Variants in VPS37A observed in about 807,000 individuals in gnomAD.
VPS37A encodes VPS37A subunit of ESCRT-I.
A neutral mutation model predicts 49.8 loss-of-function variants in VPS37A; 30 were observed. That is an observed-to-expected ratio of 0.60 (90% CI 0.45 to 0.82). VPS37A has a LOEUF of 0.82. VPS37A is among the 40% of genes least tolerant of loss of function. The pLI is 0.00. For synonymous variants in VPS37A, 195 were observed against 160.6 expected (o/e 1.21, Z -1.62); for missense variants, 593 against 464.4 (o/e 1.28, Z -2.55).
At chr8:17,298,843 G>GCAGT (rs1563307100), downstream of VPS37A, 1 of 152,276 alleles carries the variant, frequency 6.6e-6, no homozygotes, top group Non-Finnish European at 1.5e-5. Context: ...AGAACTTTCA[G>GCAGT]CAGTCAGTGG....
rs529736602 is a variant in VPS37A at position 17,256,290 on chromosome 8, A to ATTTTTTTT, written c.125+8942_125+8949dup. On this transcript the variant is annotated intron_variant, in intron 1 of 11. Transcript: ENST00000324849. ...AAGTCTTTTTAGCTGGGGTAAAATGATTTTTTTTTTTTTTTTTTTTTTTTT... is the reference window on the plus strand; with the variant it reads ...AAGTCTTTTTAGCTGGGGTAAAATGATTTTTTTTTTTTTTTTTTTTTTTTTTTTTTTTT... Among the ~76,000 whole-genome samples the ATTTTTTTT allele has an allele frequency of 1.7e-4, 10 of 60,404 alleles. 2 individuals are homozygous for ATTTTTTTT. Among genetic ancestry groups the ATTTTTTTT allele is most frequent in the African/African-American group, 7.3e-4 (10 of 13,740 alleles). The allele number at this position is 60,404 out of a possible 152,430, so 39.6% of individuals were successfully genotyped here.
At chr8:17,277,861 T>TACACACACACAC (rs67718316) in intron 6 of VPS37A, among the ~76,000 whole-genome samples, 26 of 140,990 alleles carry the variant, frequency 1.8e-4, no homozygotes, top group African/African-American at 6.3e-4. Context: ...TTCTCTTTTA[T>TACACACACACAC]ACACACACAC....
chr8:17,286,829 C>G (rs1358964455), intron 11 of VPS37A, among the ~76,000 whole-genome samples: 1 of 152,148 alleles, frequency 6.6e-6, no homozygotes, highest in Non-Finnish European at 1.5e-5. Flanking sequence ...CACGATTACT[C>G]TAATAATTCA....
chr8:17,287,175 T>C (rs1434424270), intron 11 of VPS37A, among the ~76,000 whole-genome samples: 1 of 152,146 alleles, frequency 6.6e-6, no homozygotes, highest in Non-Finnish European at 1.5e-5. Flanking sequence ...AATGATTTGT[T>C]TGCAAGAATA....
chr8:17,310,146 C>T, the VPS37A span, among the ~76,000 whole-genome samples: 2 of 151,988 alleles, frequency 1.3e-5, no homozygotes, highest in African/African-American at 4.8e-5. Context: ...CACAGGTGGG[C>T]TCCACCACAC....
chr8:17,321,342 G>A, the VPS37A span, among the ~76,000 whole-genome samples: 21 of 152,320 alleles, frequency 1.4e-4, no homozygotes, highest in Admixed American at 9.1e-4. Flanking sequence ...TCAGCAATGG[G>A]ACAGGCTGCT....
chr8:17,265,638 C>T (rs1021484644), intron 1 of VPS37A: 9 of 644,786 alleles, frequency 1.4e-5, no homozygotes, highest in Admixed American at 2.6e-5. Flanking sequence ...GATAGTAAAA[C>T]AGTGTAGCAT....
the VPS37A span, among the ~76,000 whole-genome samples, chr8:17,310,716 C>G: frequency 2.0e-5 from 3 of 152,112 alleles, no homozygotes; most frequent in Non-Finnish European, 4.4e-5. Flanking sequence ...CGCTCTTGTC[C>G]GAGGGTGTTG....
intron 11 of VPS37A, among the ~76,000 whole-genome samples, chr8:17,292,316 C>T (rs1169454994): frequency 6.6e-6 from 1 of 152,088 alleles, no homozygotes; most frequent in Non-Finnish European, 1.5e-5. Context: ...TTTCCATTGG[C>T]TTGGTAAATC....
At chr8:17,302,657 T>C (rs1447933508), downstream of VPS37A, among the ~76,000 whole-genome samples, 3 of 150,358 alleles carry the variant, frequency 2.0e-5, no homozygotes, top group Non-Finnish European at 4.4e-5. Flanking sequence ...GCAGCTTTTA[T>C]CTTTTGTATC....
At chr8:17,286,472 G>A in intron 11 of VPS37A, 45 bp downstream of exon 11, 1 of 1,553,696 alleles carries the variant, frequency 6.4e-7, no homozygotes, top group Non-Finnish European at 8.8e-7. Context: ...TTGCATCAGT[G>A]TTCTTTAAAT....
At chr8:17,280,608 A>G (rs772176385) in intron 9 of VPS37A, among the ~76,000 whole-genome samples, 165 bp downstream of exon 9, 18 of 152,024 alleles carry the variant, frequency 1.2e-4, no homozygotes, top group African/African-American at 3.6e-4. Flanking sequence ...GTGATGAGGC[A>G]TCATACATTA....
chr8:17,319,784 C>A, the VPS37A span, among the ~76,000 whole-genome samples: 1 of 152,136 alleles, frequency 6.6e-6, no homozygotes. Flanking sequence ...CAGTCTGGCT[C>A]TTAATTAATG....
intron 9 of VPS37A, 132 bp downstream of exon 9, chr8:17,280,575 T>C: frequency 1.3e-6 from 1 of 749,940 alleles, no homozygotes; most frequent in Non-Finnish European, 2.1e-6. Flanking sequence ...ATGATACCTT[T>C]AAACGTGGAT....
chr8:17,284,247 T>G (rs1192447392), intron 9 of VPS37A, among the ~76,000 whole-genome samples: 1 of 152,208 alleles, frequency 6.6e-6, no homozygotes, highest in Admixed American at 6.5e-5. Flanking sequence ...TTTCTCTCAT[T>G]TAATAGTTTG....
intron 1 of VPS37A, among the ~76,000 whole-genome samples, chr8:17,249,184 C>T (rs1563231077): frequency 1.3e-5 from 2 of 152,050 alleles, no homozygotes; most frequent in Non-Finnish European, 2.9e-5. Context: ...ACTACAAAGT[C>T]TCTTGCTGCT....
the VPS37A span, among the ~76,000 whole-genome samples, chr8:17,318,216 C>G: frequency 5.3e-5 from 8 of 152,120 alleles, no homozygotes; most frequent in African/African-American, 1.4e-4. Context: ...CTTCCTTATG[C>G]ACGGAAGCCC....
intron 4 of VPS37A, among the ~76,000 whole-genome samples, chr8:17,271,717 G>C (rs1814011170): frequency 6.6e-6 from 1 of 152,200 alleles, no homozygotes; most frequent in African/African-American, 2.4e-5. Flanking sequence ...CAGTGAGGCT[G>C]CTGAGAGACA....
intron 6 of VPS37A, 118 bp from the exon 7 acceptor site, chr8:17,279,910 T>C (rs746678638): frequency 1.6e-6 from 2 of 1,263,990 alleles, no homozygotes; most frequent in Non-Finnish European, 2.3e-6. Flanking sequence ...CTTAGGTGTA[T>C]ATGTAAAAAT....
Sources: allele counts gnomAD v4.1 joint callset (sites outside exome capture counted in the v4.1 genomes callset), GRCh38; gene constraint gnomAD v4.1.1; transcripts MANE v1.5; gene names NCBI Gene and HGNC (gene_info 2026-07-23, HGNC 2026-07-21).